The following SHCBP1 variants were observed in gnomAD, a reference collection of about 807,000 sequenced individuals.
SHCBP1 encodes SHC SH2 domain-binding protein 1.
A neutral mutation model predicts 75.1 loss-of-function variants in SHCBP1; 60 were observed. The ratio of observed to expected loss-of-function variants is 0.80; its 90% CI spans 0.65 to 0.99. The LOEUF (loss-of-function observed/expected upper bound fraction) is 0.99, where lower values mean the gene tolerates loss of function less well. SHCBP1 is among the 50% of genes least tolerant of loss of function. The pLI, the probability that SHCBP1 is intolerant of heterozygous loss-of-function variation, is 0.00. For synonymous variants in SHCBP1, 290 were observed against 293.2 expected (o/e 0.99, Z 0.11); for missense variants, 709 against 809.4 (o/e 0.88, Z 1.50).
chr16:46,589,312 A>C (rs1386957004), intron 10 of SHCBP1, among the ~76,000 whole-genome samples: 3 of 152,208 alleles, frequency 2.0e-5, no homozygotes, highest in Non-Finnish European at 2.9e-5. Flanking sequence ...TAGTGTTGGA[A>C]GTTCTGGCCA....
intron 8 of SHCBP1, among the ~76,000 whole-genome samples, chr16:46,603,090 C>G (rs1349855282): frequency 6.6e-6 from 1 of 152,034 alleles, no homozygotes; most frequent in African/African-American, 2.4e-5. Context: ...ATACCTCTCA[C>G]GAAAATAAGC....
intron 8 of SHCBP1, among the ~76,000 whole-genome samples, chr16:46,603,050 G>A (rs550636404): frequency 6.6e-6 from 1 of 152,202 alleles, no homozygotes; most frequent in Non-Finnish European, 1.5e-5. Context: ...AAGATAATTG[G>A]TACCAATTTC....
Position 46,603,874 on chromosome 16 carries a change from C to A in SHCBP1, c.1092+101G>T, listed in dbSNP as rs1320747434. 14 of 1,451,984 alleles carry A rather than the reference C, an allele frequency of 9.6e-6. No individual in the cohort carries two copies. In the East Asian group the frequency reaches 3.0e-4, roughly 31 times the overall value. 89.9% of individuals were successfully genotyped at this position (1,451,984 alleles called of 1,614,324 possible). On this transcript the variant is annotated intron_variant, in intron 7 of 12. Transcript: ENST00000303383. The stretch of plus-strand genomic sequence containing the variant: ...TCACTACTTCCCATGCACAGAAAAC[C>A]GTCTTGGGAAAGCTCCTGTAAATAC...
chr16:46,613,840 A>G (rs1158931485), intron 4 of SHCBP1, among the ~76,000 whole-genome samples: 1 of 152,180 alleles, frequency 6.6e-6, no homozygotes, highest in Admixed American at 6.5e-5. Flanking sequence ...TCAAATATTC[A>G]TTGAATCAAC....
At chr16:46,612,816 G>A (rs1367619526) in intron 4 of SHCBP1, among the ~76,000 whole-genome samples, 4 of 151,930 alleles carry the variant, frequency 2.6e-5, no homozygotes, top group Non-Finnish European at 5.9e-5. Context: ...TGTACCTCCC[G>A]CAGTGTTGAT....
intron 4 of SHCBP1, among the ~76,000 whole-genome samples, chr16:46,609,392 G>A (rs1203747928): frequency 1.3e-5 from 2 of 151,480 alleles, no homozygotes; most frequent in Non-Finnish European, 2.9e-5. Flanking sequence ...TCAGAATCTG[G>A]TGGGGTGGGG....
Position 46,583,578 on chromosome 16 carries a change from A to G in SHCBP1, c.1631T>C (p.Val544Ala), listed in dbSNP as rs749485656. Reference protein sequence around the residue: ...NIIHNNEGYGVVLVKPTIFSD... With the variant: ...NIIHNNEGYGAVLVKPTIFSD... ...GAAGATTGTAGGTTTCACCAAGACA[A>G]CACCATAACCTTCATTATTATGTAT... The change falls in exon 12 of 13, where the codon GTT becomes GCT. Residue 544 changes from valine (V) to alanine (A), a missense_variant. Transcript: ENST00000303383. The G allele has an allele frequency of 1.2e-6, 2 of 1,611,906 alleles. No homozygotes were observed. The highest frequency in any genetic ancestry group is 1.1e-5 in the South Asian group (1 of 90,234).
At chr16:46,582,425 G>T (rs1320412177) in intron 12 of SHCBP1, among the ~76,000 whole-genome samples, 1 of 152,158 alleles carries the variant, frequency 6.6e-6, no homozygotes, top group Admixed American at 6.5e-5. Flanking sequence ...GAAGAATTTT[G>T]CACTGTAATT....
At chr16:46,621,076 C>A (rs1442950690) in intron 1 of SHCBP1, among the ~76,000 whole-genome samples, 181 bp downstream of exon 1, 4 of 152,198 alleles carry the variant, frequency 2.6e-5, no homozygotes, top group Admixed American at 6.5e-5. Flanking sequence ...GAGGGAGTCC[C>A]CCACCCCTGG....
intron 4 of SHCBP1, among the ~76,000 whole-genome samples, chr16:46,611,029 G>T (rs1164696316): frequency 1.3e-5 from 2 of 152,148 alleles, no homozygotes; most frequent in African/African-American, 4.8e-5. Context: ...TGTCTGTGTG[G>T]AGTATGTACA....
In SHCBP1 at chr16:46,578,698, TCA is replaced by T. The variant is rs1295640231; in HGVS notation, c.*3029_*3030del. ...AAAACATATACATATATATATTTAA[TCA>T]CAGAATAAAACAAAATGTTATAAAA... On this transcript the variant is annotated 3_prime_UTR_variant, in exon 13 of 13. Transcript: ENST00000303383. Among the ~76,000 whole-genome samples the T allele has an allele frequency of 6.6e-6, 1 of 152,168 alleles. No individual in the cohort carries two copies. Among genetic ancestry groups the T allele is most frequent in the Non-Finnish European group, 1.5e-5 (1 of 68,018 alleles).
rs773621044 is a variant in SHCBP1, at chr16:46,616,027, C to T, written c.515G>A (p.Arg172Gln). ...MKELLDLKEH[R>Q]LPLQELWVVF... ...CACCCACAGCTCCTGCAGGGGCAACCGATGCTCCTTCAGATCAAGGAGCTC... is the reference window on the plus strand; with the variant it reads ...CACCCACAGCTCCTGCAGGGGCAACTGATGCTCCTTCAGATCAAGGAGCTC... The change falls in exon 4 of 13, where the codon CGG becomes CAG. Residue 172 changes from arginine to glutamine, a missense_variant. Coordinates refer to ENST00000303383, the MANE Select transcript of SHCBP1 (RefSeq NM_024745.5). The surrounding 1 kb of genome is among the most constrained non-coding windows in gnomAD (Gnocchi z 4.4). 1.7e-5 allele frequency: 28 copies of T among 1,614,166 alleles called. No homozygotes were observed. The South Asian group carries it at 2.4e-4, about 14-fold the overall frequency.
chr16:46,587,677 AC>A (rs1478760690), intron 10 of SHCBP1, among the ~76,000 whole-genome samples: 1 of 152,120 alleles, frequency 6.6e-6, no homozygotes, highest in East Asian at 1.9e-4. Context: ...GCCCTTAGAG[AC>A]CTACAAAGAG....
chr16:46,579,673 G>A lies in SHCBP1; in HGVS notation c.*2056C>T, dbSNP rs1964841435. ...AAAAAAGGCCAGGCACGTGGCTCAT[G>A]CCTGTAATCCCAGCACTTTGGGAGG... is the stretch of plus-strand genomic sequence containing the variant. On this transcript the variant is annotated 3_prime_UTR_variant, in exon 13 of 13. Transcript: ENST00000303383. 6.6e-6 allele frequency among the ~76,000 whole-genome samples: 1 copy of A among 151,504 alleles called. No homozygotes were observed. The highest frequency in any genetic ancestry group is 1.5e-5 in the Non-Finnish European group (1 of 67,900).
intron 5 of SHCBP1, among the ~76,000 whole-genome samples, chr16:46,607,139 G>A (rs908487018): frequency 4.6e-5 from 7 of 152,150 alleles, no homozygotes; most frequent in East Asian, 1.9e-4. Flanking sequence ...CAAATCACTT[G>A]AGGTCAGGAG....
intron 5 of SHCBP1, among the ~76,000 whole-genome samples, chr16:46,606,469 G>A (rs1472292039): frequency 2.6e-5 from 4 of 152,152 alleles, no homozygotes; most frequent in African/African-American, 7.2e-5. Context: ...TGCCAGTGAT[G>A]TACAAGCTAT....
At chr16:46,607,805 G>C (rs1965347488) in intron 5 of SHCBP1, among the ~76,000 whole-genome samples, 1 of 152,146 alleles carries the variant, frequency 6.6e-6, no homozygotes, top group African/African-American at 2.4e-5. Context: ...AGGTAGATCT[G>C]CTAGTTCAGC....
intron 4 of SHCBP1, among the ~76,000 whole-genome samples, chr16:46,611,468 G>A (rs1288392788): frequency 2.0e-5 from 3 of 152,100 alleles, no homozygotes; most frequent in East Asian, 1.9e-4. Flanking sequence ...TGATTTACTC[G>A]TCACCACAAT....
chr16:46,585,405 A>AGAGAAGAAGG (rs1338407290), intron 10 of SHCBP1, among the ~76,000 whole-genome samples: 6 of 152,038 alleles, frequency 3.9e-5, no homozygotes, highest in Non-Finnish European at 8.8e-5. Context: ...CCAGCTAGGG[A>AGAGAAGAAGG]CCTCAGGACC....
Sources: allele counts gnomAD v4.1 joint callset (sites outside exome capture counted in the v4.1 genomes callset), GRCh38; gene constraint gnomAD v4.1.1; non-coding constraint Gnocchi (gnomAD v3.1); transcripts MANE v1.5; gene names NCBI Gene and HGNC (gene_info 2026-07-23, HGNC 2026-07-21).